HAS1: variants seen among roughly 807,000 people sequenced by gnomAD.
HAS1 encodes HA synthase 1.
HAS1 carries 27 observed loss-of-function variants against 35.0 expected under a neutral mutation model. The observed-to-expected ratio is 0.77, with a 90% CI of 0.57 to 1.06. HAS1 has a LOEUF of 1.06. Ranked by LOEUF, HAS1 falls within the 50% of genes least tolerant of loss-of-function variation. HAS1 has a pLI of 0.00. For missense variants in HAS1, 940 were observed against 814.8 expected, an observed-to-expected ratio of 1.15 and a Z score of -1.87; for synonymous variants, 409 against 371.2, an observed-to-expected ratio of 1.10 and a Z score of -1.17.
At chr19:51,722,105 G>A (rs2083635235) in intron 1 of HAS1, among the ~76,000 whole-genome samples, 1 of 152,210 alleles carries the variant, frequency 6.6e-6, no homozygotes, top group African/African-American at 2.4e-5. Context: ...AAGGCTTACT[G>A]TGGGTTATTT....
At chr19:51,716,522 A>G (rs1169449796) in intron 3 of HAS1, 134 bp from the exon 4 acceptor site, 1 of 721,912 alleles carries the variant, frequency 1.4e-6, no homozygotes, top group Non-Finnish European at 2.3e-6. Flanking sequence ...TCTCAGCACT[A>G]TCTCCAATCC....
At chr19:51,721,538 GA>G (rs1306848130) in intron 1 of HAS1, among the ~76,000 whole-genome samples, 1 of 152,138 alleles carries the variant, frequency 6.6e-6, no homozygotes, top group Non-Finnish European at 1.5e-5. Flanking sequence ...AGCACTTTGG[GA>G]GGCGGAGGCG....
intron 4 of HAS1, among the ~76,000 whole-genome samples, chr19:51,715,684 C>T (rs1276077747): frequency 6.6e-6 from 1 of 152,172 alleles, no homozygotes; most frequent in Non-Finnish European, 1.5e-5. Flanking sequence ...TTTCAGTGGA[C>T]CTGGCTTTGC....
In HAS1 at chr19:51,719,868, A is replaced by G. The variant is rs7248778; in HGVS notation, c.37T>C (p.Cys13Arg). ...CTCCGGGCCAGGCCGGAGCAGCGGCAGGCTGCAGGAGTGGGCTTGGGCGCG... is the reference window on the plus strand; with the variant it reads ...CTCCGGGCCAGGCCGGAGCAGCGGCGGGCTGCAGGAGTGGGCTTGGGCGCG... Reference protein sequence around the residue: ...QDAPKPTPAACRCSGLARRVL... With the variant: ...QDAPKPTPAARRCSGLARRVL... Residue 13 changes from cysteine (C) to arginine (R), a missense_variant, in exon 2 of 5, where the codon TGC becomes CGC. Physicochemically the swap from Cys to Arg is radical, Grantham distance 180. Transcript: ENST00000540069. 1,141,081 of 1,540,664 alleles carry G rather than the reference A, an allele frequency of 0.74. 425,520 individuals are homozygous for G. Among genetic ancestry groups the G allele is most frequent in the East Asian group, 1 (40,861 of 41,058 alleles).
chr19:51,713,912 T>C lies in HAS1; in HGVS notation c.1249A>G (p.Thr417Ala), dbSNP rs1268720009. ...SGLFPFFVAA[T>A]VLRLFYAGRP... Reference sequence around the variant, plus strand: ...CCCGCGTAGAACAGACGCAGCACAGTGGCCGCCACGAAGAAGGGGAACAGG... The same window carrying C: ...CCCGCGTAGAACAGACGCAGCACAGCGGCCGCCACGAAGAAGGGGAACAGG... Residue 417 changes from threonine (T) to alanine (A), a missense_variant, in exon 5 of 5, where the codon ACT becomes GCT. Coordinates refer to ENST00000540069, the MANE Select transcript of HAS1 (RefSeq NM_001297436.2). The surrounding 1 kb of genome is among the most constrained non-coding windows in gnomAD (Gnocchi z 4.5). 2 of 1,607,360 alleles carry C rather than the reference T, an allele frequency of 1.2e-6. No individual in the cohort carries two copies. Among genetic ancestry groups the C allele is most frequent in the East Asian group, 2.2e-5 (1 of 44,894 alleles).
Position 51,719,340 on chromosome 19 carries a change from C to T in HAS1, c.565G>A (p.Asp189Asn). 1 of 1,611,750 alleles carries T rather than the reference C, an allele frequency of 6.2e-7. No individual in the cohort carries two copies. Among genetic ancestry groups the T allele is most frequent in the Non-Finnish European group, 8.5e-7 (1 of 1,179,008 alleles). The change falls in exon 2 of 5, where the codon GAT (aspartate) becomes AAT (asparagine). Residue 189 changes from aspartate (D) to asparagine (N), a missense_variant. Physicochemically the swap from Asp to Asn is conservative, Grantham distance 23. Transcript: ENST00000540069. ...AGAYREVEAE[D>N]PGRLAVEALV... The stretch of plus-strand genomic sequence containing the variant: ...GCCTCCACTGCCAGCCGCCCAGGAT[C>T]CTCCGCCTCCACCTCCCGATAGGCT...
chr19:51,720,025 C>G, intron 1 of HAS1, 130 bp from the exon 2 acceptor site: 1 of 593,424 alleles, frequency 1.7e-6, no homozygotes, highest in Non-Finnish European at 2.9e-6. Flanking sequence ...TCTCTCCCTC[C>G]CTCCGTCCTT....
intron 4 of HAS1, 164 bp downstream of exon 4, chr19:51,716,092 C>T: frequency 1.6e-6 from 1 of 622,016 alleles, no homozygotes; most frequent in Non-Finnish European, 2.8e-6. Context: ...ATGCAAATGG[C>T]CCCTCTGCCC....
At chr19:51,723,536 G>T (rs2083645086) in intron 1 of HAS1, among the ~76,000 whole-genome samples, 1 of 152,132 alleles carries the variant, frequency 6.6e-6, no homozygotes, top group Admixed American at 6.6e-5. Flanking sequence ...ATTCCCATGT[G>T]CCACAGGCAA....
At chr19:51,720,373 T>C (rs547976032) in intron 1 of HAS1, among the ~76,000 whole-genome samples, 16 of 152,210 alleles carry the variant, frequency 1.1e-4, no homozygotes, top group African/African-American at 2.9e-4. Flanking sequence ...GCCCCGGCCT[T>C]CCTAAGTGCT....
intron 2 of HAS1, among the ~76,000 whole-genome samples, chr19:51,718,710 T>C (rs1403738471): frequency 6.6e-6 from 1 of 152,172 alleles, no homozygotes; most frequent in Non-Finnish European, 1.5e-5. Flanking sequence ...CTAATTTTTG[T>C]ATTTTTAGTA....
Position 51,719,423 on chromosome 19 carries a change from C to T in HAS1, c.482G>A (p.Trp161Ter). 1.3e-6 allele frequency: 2 copies of T among 1,559,736 alleles called. No homozygotes were observed. The highest frequency in any genetic ancestry group is 1.7e-6 in the Non-Finnish European group (2 of 1,151,356). Residue 161 changes from tryptophan (W) to a stop codon, truncating the protein, a stop_gained, in exon 2 of 5, where the codon TGG (tryptophan) becomes TAG (stop). Transcript: ENST00000540069. LOFTEE classifies it high-confidence loss of function. ...CCAGGGCTGGTGGTAGTTGCCGTCC[C>T]ACACGTACGTGGCGGGGTCCTCGTC... ...FADEDPATYV[W>*]DGNYHQPWEP...
At chr19:51,722,430 A>G (rs1030006491) in intron 1 of HAS1, among the ~76,000 whole-genome samples, 4 of 152,192 alleles carry the variant, frequency 2.6e-5, no homozygotes, top group Non-Finnish European at 5.9e-5. Flanking sequence ...TGGATTTTGA[A>G]GGCCAAGTCT....
rs950582345 is a variant in HAS1, at chr19:51,723,843, G to A, written c.9+82C>T. 21 of 1,275,392 alleles carry A rather than the reference G, an allele frequency of 1.6e-5. No individual in the cohort carries two copies. The East Asian group carries it at 2.4e-4, about 14-fold the overall frequency. The allele number at this position is 1,275,392 out of a possible 1,614,324, so 79.0% of individuals were successfully genotyped here. A position where few individuals can be genotyped will look rare whatever the true frequency, so the allele number is the denominator to read the frequency against. On this transcript the variant is annotated intron_variant, in intron 1 of 4. Transcript: ENST00000540069. ...ATGCACACACAGTTCCCCAACACAC[G>A]TGGTCACACATATGGCAGTAGTTTT...
At position 51,719,801 on chromosome 19, in the gene HAS1, A is replaced by T. The variant is rs777986310; in HGVS notation, c.104T>A (p.Met35Lys). 1 of 1,560,158 alleles carries T rather than the reference A, an allele frequency of 6.4e-7. No individual in the cohort carries two copies. Among genetic ancestry groups the T allele is most frequent in the Non-Finnish European group, 8.7e-7 (1 of 1,155,856 alleles). Residue 35 changes from methionine to lysine, a missense_variant, in exon 2 of 5, where the codon ATG becomes AAG. By Grantham distance (95) the Met-to-Lys change is moderately conservative (BLOSUM62 -1). Transcript: ENST00000540069. The stretch of plus-strand genomic sequence containing the variant: ...CACCCCGGCGGCGTAGGCCCAGGTC[A>T]TGAGGCCCAGGATGAGCAGGGCGAA... ...IAFALLILGL[M>K]TWAYAAGVPL...
rs1422923155 is a variant in HAS1 at position 51,719,654 on chromosome 19, GC to G, written c.250del (p.Ala84ArgfsTer15). On this transcript the variant is annotated frameshift_variant, in exon 2 of 5. Transcript: ENST00000540069. LOFTEE classifies it high-confidence loss of function. ...YLEHRRVAAA[A>X]RGPLDAATAR... ...GGTGGCTGCATCCAGCGGCCCCCGC[GC>G]CGCCGCCGCCACCCGCCGGTGCTCC... 4 of 1,536,884 alleles carry G rather than the reference GC, an allele frequency of 2.6e-6. No homozygotes were observed. Among genetic ancestry groups the G allele is most frequent in the Non-Finnish European group, 3.5e-6 (4 of 1,145,550 alleles).
chr19:51,719,238 T>C lies in HAS1; in HGVS notation c.667A>G (p.Lys223Glu). Residue 223 changes from lysine (K) to glutamate (E), a missense_variant, in exon 2 of 5, where the codon AAG (lysine) becomes GAG (glutamate). Coordinates refer to ENST00000540069, the MANE Select transcript of HAS1 (RefSeq NM_001297436.2). The part of the protein sequence containing the change: ...GKREVMYTAF[K>E]ALGDSVDYVQ... ...TAGTCCACCGAATCTCCGAGCGCCT[T>C]GAAGGCTGTGTACATGACCTCGCGC... 1 of 1,589,642 alleles carries C rather than the reference T, an allele frequency of 6.3e-7. No individual in the cohort carries two copies. Among genetic ancestry groups the C allele is most frequent in the South Asian group, 1.1e-5 (1 of 88,364 alleles).
rs775182179 is a variant in HAS1 at position 51,719,211 on chromosome 19, C to T, written c.694G>A (p.Val232Met). ...CTGAAGGCGCCTCTACTCACCTGCACGTAGTCCACCGAATCTCCGAGCGCC... is the reference window on the plus strand; with the variant it reads ...CTGAAGGCGCCTCTACTCACCTGCATGTAGTCCACCGAATCTCCGAGCGCC... ...FKALGDSVDY[V>M]QVCDSDTRLD... Residue 232 changes from valine (V) to methionine (M), a missense_variant, in exon 2 of 5, where the codon GTG becomes ATG. Physicochemically the swap from Val to Met is conservative, Grantham distance 21. Transcript: ENST00000540069. 5.1e-6 allele frequency: 8 copies of T among 1,561,860 alleles called. No homozygotes were observed. The highest frequency in any genetic ancestry group is 2.3e-5 in the East Asian group (1 of 43,034).
Position 51,723,941 on chromosome 19 carries a change from G to A in HAS1, c.-8C>T. 1.3e-6 allele frequency: 2 copies of A among 1,521,832 alleles called. No homozygotes were observed. The highest frequency in any genetic ancestry group is 1.8e-6 in the Non-Finnish European group (2 of 1,138,686). The allele number at this position is 1,521,832 out of a possible 1,614,324, so 94.3% of individuals were successfully genotyped here. On this transcript the variant is annotated 5_prime_UTR_variant, in exon 1 of 5. Transcript: ENST00000540069. Reference sequence around the variant, plus strand: ...CACACACACCTGTCTCATCGCAGTGGGTCTGGCCGGGCTCTCTCTTCTCTC... The same window carrying A: ...CACACACACCTGTCTCATCGCAGTGAGTCTGGCCGGGCTCTCTCTTCTCTC...
Sources: allele counts gnomAD v4.1 joint callset (sites outside exome capture counted in the v4.1 genomes callset), GRCh38; gene constraint gnomAD v4.1.1; non-coding constraint Gnocchi (gnomAD v3.1); transcripts MANE v1.5; gene names NCBI Gene and HGNC (gene_info 2026-07-23, HGNC 2026-07-21).